The following NSMCE2 variants were observed in gnomAD, a reference collection of about 807,000 sequenced individuals.
The protein encoded by NSMCE2 is NSE2 SUMO ligase component of SMC5/6 complex.
NSMCE2 carries 24 observed loss-of-function variants against 23.8 expected under a neutral mutation model. The ratio of observed to expected loss-of-function variants is 1.01; its 90% confidence interval spans 0.73 to 1.42. The LOEUF is 1.42. Among genes scored for constraint, NSMCE2 ranks in the 40% most tolerant of loss-of-function variants. The pLI, the probability that NSMCE2 is intolerant of heterozygous loss-of-function variation, is 0.00. For synonymous variants in NSMCE2, 92 were observed against 94.1 expected, an observed-to-expected ratio of 0.98 and a Z score of 0.13; for missense variants, 284 against 296.5, an observed-to-expected ratio of 0.96 and a Z score of 0.31.
At chr8:125,220,076 G>C (rs1824785335) in intron 5 of NSMCE2, among the ~76,000 whole-genome samples, 1 of 152,128 alleles carries the variant, frequency 6.6e-6, no homozygotes, top group Non-Finnish European at 1.5e-5. Flanking sequence ...ATTTCTATTG[G>C]CTTTTTAGAT....
intron 4 of NSMCE2, among the ~76,000 whole-genome samples, chr8:125,181,046 C>T (rs1406086093): frequency 6.6e-6 from 1 of 152,072 alleles, no homozygotes; most frequent in Admixed American, 6.6e-5. Context: ...GTGAGTTTTG[C>T]TTGGCAGCAG....
intron 5 of NSMCE2, among the ~76,000 whole-genome samples, chr8:125,321,704 G>A (rs1175470816): frequency 2.6e-5 from 4 of 152,144 alleles, no homozygotes; most frequent in East Asian, 3.8e-4. Flanking sequence ...ACCAACGGGG[G>A]GTTATTCCAG....
intron 3 of NSMCE2, among the ~76,000 whole-genome samples, chr8:125,116,171 A>G (rs972617725): frequency 2.0e-5 from 3 of 152,234 alleles, no homozygotes; most frequent in Non-Finnish European, 4.4e-5. Flanking sequence ...CTTATTGCAA[A>G]TATATGAGGC....
At chr8:125,196,432 C>T (rs926703928) in intron 5 of NSMCE2, among the ~76,000 whole-genome samples, 2 of 152,104 alleles carry the variant, frequency 1.3e-5, no homozygotes, top group Non-Finnish European at 2.9e-5. Flanking sequence ...CAATTTCCAC[C>T]TGTGGGTGAG....
intron 5 of NSMCE2, among the ~76,000 whole-genome samples, chr8:125,318,783 G>T (rs1196912448): frequency 6.6e-6 from 1 of 152,194 alleles, no homozygotes; most frequent in Non-Finnish European, 1.5e-5. Context: ...TGGGTCCCAT[G>T]CTTGTTCCAG....
intron 5 of NSMCE2, among the ~76,000 whole-genome samples, chr8:125,250,489 C>G (rs1050437539): frequency 6.6e-6 from 1 of 152,162 alleles, no homozygotes; most frequent in African/African-American, 2.4e-5. Context: ...TGTTTCCTTA[C>G]TGTAAGTAAA....
At chr8:125,145,914 G>A (rs1326392935) in intron 3 of NSMCE2, among the ~76,000 whole-genome samples, 2 of 152,280 alleles carry the variant, frequency 1.3e-5, no homozygotes, top group South Asian at 2.1e-4. Context: ...AGCATTCTCT[G>A]AGTGACTTGG....
chr8:125,210,073 C>G (rs1158029973), intron 5 of NSMCE2, among the ~76,000 whole-genome samples: 4 of 152,178 alleles, frequency 2.6e-5, no homozygotes, highest in Middle Eastern at 3.2e-3. Context: ...GTTCTAAGAT[C>G]AAGTCTAGGT....
intron 5 of NSMCE2, among the ~76,000 whole-genome samples, chr8:125,244,184 G>C (rs1006073215): frequency 6.6e-6 from 1 of 151,984 alleles, no homozygotes; most frequent in Non-Finnish European, 1.5e-5. Context: ...TCAACAATTA[G>C]GCAGGAGGAA....
intron 5 of NSMCE2, among the ~76,000 whole-genome samples, chr8:125,257,110 C>A (rs1485480923): frequency 6.6e-6 from 1 of 150,842 alleles, no homozygotes; most frequent in Admixed American, 6.6e-5. Context: ...ATGGTGAAGC[C>A]CCATCTCTAC....
intron 5 of NSMCE2, among the ~76,000 whole-genome samples, chr8:125,316,783 T>TCCTTC (rs1563780453): frequency 3.9e-5 from 4 of 103,438 alleles, no homozygotes; most frequent in African/African-American, 2.1e-4. Flanking sequence ...CTCTCTCTCT[T>TCCTTC]TCTTTCTTTC....
At chr8:125,229,892 G>T (rs1039512227) in intron 5 of NSMCE2, among the ~76,000 whole-genome samples, 1 of 151,920 alleles carries the variant, frequency 6.6e-6, no homozygotes, top group Admixed American at 6.6e-5. Context: ...AAATACTTAG[G>T]ATTGTTAACT....
chr8:125,281,085 T>C (rs1238443199), intron 5 of NSMCE2, among the ~76,000 whole-genome samples: 2 of 152,230 alleles, frequency 1.3e-5, no homozygotes, highest in Non-Finnish European at 1.5e-5. Flanking sequence ...GTGACAGTTA[T>C]AAGCCGATTA....
intron 5 of NSMCE2, among the ~76,000 whole-genome samples, chr8:125,224,918 G>T (rs1563729784): frequency 6.6e-6 from 1 of 152,112 alleles, no homozygotes; most frequent in Non-Finnish European, 1.5e-5. Flanking sequence ...TGAGGAAAAA[G>T]AAAAAATCTT....
At chr8:125,091,992 G>A (rs1005958016) in intron 1 of NSMCE2, 34 bp downstream of exon 1, 1 of 152,378 alleles carries the variant, frequency 6.6e-6, no homozygotes, top group African/African-American at 2.4e-5. Flanking sequence ...AATGGGGAGG[G>A]TGGCAGGAGT....
At chr8:125,166,505 G>A (rs1008023928) in intron 4 of NSMCE2, among the ~76,000 whole-genome samples, 1 of 152,178 alleles carries the variant, frequency 6.6e-6, no homozygotes, top group Non-Finnish European at 1.5e-5. Flanking sequence ...GACTTCAAGC[G>A]ATCTCCCCGC....
chr8:125,114,315 A>T (rs1260283974), intron 3 of NSMCE2, among the ~76,000 whole-genome samples: 1 of 152,152 alleles, frequency 6.6e-6, no homozygotes, highest in Admixed American at 6.6e-5. Context: ...TTTATCAGAT[A>T]CCCTTACCCG....
At chr8:125,313,929 T>G (rs938595122) in intron 5 of NSMCE2, among the ~76,000 whole-genome samples, 5 of 152,226 alleles carry the variant, frequency 3.3e-5, no homozygotes, top group Non-Finnish European at 5.9e-5. Context: ...TTACTCTATC[T>G]TCCAACCAAG....
At chr8:125,279,725 A>C (rs1827621124) in intron 5 of NSMCE2, among the ~76,000 whole-genome samples, 1 of 152,220 alleles carries the variant, frequency 6.6e-6, no homozygotes, top group Non-Finnish European at 1.5e-5. Context: ...TTAGGAAATA[A>C]GCATCCATAT....
Sources: allele counts gnomAD v4.1 joint callset (sites outside exome capture counted in the v4.1 genomes callset), GRCh38; gene constraint gnomAD v4.1.1; transcripts MANE v1.5; gene names NCBI Gene and HGNC (gene_info 2026-07-23, HGNC 2026-07-21).